RRAGD: variants seen among roughly 807,000 people sequenced by gnomAD.
RRAGD encodes ras-related GTP-binding protein D.
Under a neutral mutation model 35.5 loss-of-function variants are expected in RRAGD, and 12 were observed. The ratio of observed to expected loss-of-function variants is 0.34; its 90% confidence interval spans 0.22 to 0.55. RRAGD has a LOEUF of 0.55. Ranked by LOEUF, RRAGD falls within the 20% of genes least tolerant of loss-of-function variation. RRAGD has a pLI of 0.91. For synonymous variants in RRAGD, 155 were observed against 178.9 expected, an observed-to-expected ratio of 0.87 and a Z score of 1.07; for missense variants, 324 against 490.1, an observed-to-expected ratio of 0.66 and a Z score of 3.20.
At chr6:89,402,293 G>A (rs1769486756) in intron 1 of RRAGD, among the ~76,000 whole-genome samples, 1 of 151,984 alleles carries the variant, frequency 6.6e-6, no homozygotes, top group African/African-American at 2.4e-5. Flanking sequence ...TGATCCGCCA[G>A]CCTCGGCCTC....
At position 89,373,022 on chromosome 6, in the gene RRAGD, A is replaced by ATCCAGTAT. The variant is rs1314622545; in HGVS notation, c.903-438_903-437insATACTGGA. On this transcript the variant is annotated intron_variant, in intron 5 of 6. Coordinates refer to ENST00000369415, the MANE Select transcript of RRAGD (RefSeq NM_021244.5). The stretch of plus-strand genomic sequence containing the variant: ...GTGCTAGACTGGATCCTGAATTGGG[A>ATCCAGTAT]AAAACTGCTATAAAAGATAGAATTG... Among the ~76,000 whole-genome samples the ATCCAGTAT allele has an allele frequency of 1.5e-4, 23 of 152,378 alleles. No homozygotes were observed. In the East Asian group the frequency reaches 3.9e-3, roughly 26 times the overall value.
At chr6:89,380,448 T>C (rs910174068) in intron 2 of RRAGD, 81 bp from the exon 3 acceptor site, 3 of 1,227,042 alleles carry the variant, frequency 2.4e-6, no homozygotes, top group East Asian at 5.0e-5. Context: ...CTGGAAACCA[T>C]GTGGCTGCAA....
intron 2 of RRAGD, among the ~76,000 whole-genome samples, chr6:89,386,996 T>C (rs187308366): frequency 1.3e-5 from 2 of 152,340 alleles, no homozygotes; most frequent in East Asian, 1.9e-4. Flanking sequence ...TGATCTTTTG[T>C]AGATGTTGAC....
chr6:89,402,037 G>GCTTTT (rs1194197994), intron 1 of RRAGD, among the ~76,000 whole-genome samples: 1 of 52,314 alleles, frequency 1.9e-5, no homozygotes, highest in African/African-American at 1.5e-4. Context: ...AAATCCTAAG[G>GCTTTT]ATTTTTTTTT....
intron 5 of RRAGD, among the ~76,000 whole-genome samples, chr6:89,374,122 A>G (rs1004089507): frequency 1.3e-5 from 2 of 152,232 alleles, no homozygotes; most frequent in Non-Finnish European, 2.9e-5. Context: ...ATTAAAGCTT[A>G]CTATGTGATA....
chr6:89,371,294 G>T (rs142407931), intron 6 of RRAGD, among the ~76,000 whole-genome samples: 1 of 151,884 alleles, frequency 6.6e-6, no homozygotes, highest in Non-Finnish European at 1.5e-5. Context: ...TTTGAGACCA[G>T]CCTAGGAAAC....
chr6:89,396,868 A>G (rs932003753), intron 1 of RRAGD, among the ~76,000 whole-genome samples: 1 of 147,518 alleles, frequency 6.8e-6, no homozygotes, highest in African/African-American at 2.5e-5. Flanking sequence ...CAGCCTCCTG[A>G]GTGGATGGGA....
chr6:89,371,112 A>G (rs1164193311), intron 6 of RRAGD, among the ~76,000 whole-genome samples: 2 of 151,948 alleles, frequency 1.3e-5, no homozygotes, highest in African/African-American at 4.8e-5. Flanking sequence ...TATATTAGAC[A>G]ATATGGCCCC....
chr6:89,385,624 A>G (rs1769125832), intron 2 of RRAGD, among the ~76,000 whole-genome samples: 1 of 152,238 alleles, frequency 6.6e-6, no homozygotes, highest in Non-Finnish European at 1.5e-5. Context: ...AGCTGCTGAC[A>G]GCAGGCCCTG....
In RRAGD at chr6:89,407,591, G is replaced by A. The variant is rs149992989; in HGVS notation, c.148+4255C>T. On this transcript the variant is annotated intron_variant, in intron 1 of 6. Coordinates refer to ENST00000369415, the MANE Select transcript of RRAGD (RefSeq NM_021244.5). ...CAGAAGGTGGAGGTTGCAGTGAGCC[G>A]AGATCATGCCACTGCACTCCAGCCT... Among the ~76,000 whole-genome samples the A allele has an allele frequency of 5.6e-3, 853 of 152,248 alleles. 8 individuals are homozygous for A. The highest frequency in any genetic ancestry group is 0.019 in the African/African-American group (803 of 41,538).
chr6:89,412,243 T>G lies in RRAGD; in HGVS notation c.-250A>C. The G allele has an allele frequency of 8.0e-6, 2 of 249,092 alleles. No individual in the cohort carries two copies. The highest frequency in any genetic ancestry group is 1.4e-5 in the Non-Finnish European group (2 of 138,704). 15.4% of individuals were successfully genotyped at this position (249,092 alleles called of 1,614,324 possible). On this transcript the variant is annotated 5_prime_UTR_variant, in exon 1 of 7. Coordinates refer to ENST00000369415, the MANE Select transcript of RRAGD (RefSeq NM_021244.5). The surrounding 1 kb of genome is among the most constrained non-coding windows in gnomAD (Gnocchi z 4.2). ...GAGGAGTCAGCCGGAGCGCGGCAGTTCCTCCCGGAGGAGGGAGAGAGAGAG... is the reference window on the plus strand; with the variant it reads ...GAGGAGTCAGCCGGAGCGCGGCAGTGCCTCCCGGAGGAGGGAGAGAGAGAG...
At chr6:89,392,487 A>AG in intron 1 of RRAGD, among the ~76,000 whole-genome samples, 1 of 151,582 alleles carries the variant, frequency 6.6e-6, no homozygotes, top group Non-Finnish European at 1.5e-5. Context: ...CTCGAAAAAA[A>AG]AAAAAAAGAA....
chr6:89,400,948 T>C (rs1260358499), intron 1 of RRAGD, among the ~76,000 whole-genome samples: 1 of 152,118 alleles, frequency 6.6e-6, no homozygotes, highest in African/African-American at 2.4e-5. Context: ...TCAGGAAGGT[T>C]CCCTGAACAC....
chr6:89,384,688 G>A (rs572259242), intron 2 of RRAGD, among the ~76,000 whole-genome samples: 7 of 151,930 alleles, frequency 4.6e-5, no homozygotes, highest in Non-Finnish European at 7.4e-5. Flanking sequence ...GGTGGCGGGC[G>A]CCTGCAGTCC....
At chr6:89,390,819 A>G (rs1300310213) in intron 1 of RRAGD, among the ~76,000 whole-genome samples, 2 of 151,952 alleles carry the variant, frequency 1.3e-5, no homozygotes, top group East Asian at 3.9e-4. Flanking sequence ...AATCACTTGA[A>G]CCTGGGAGGC....
intron 1 of RRAGD, among the ~76,000 whole-genome samples, chr6:89,407,781 C>T (rs957578473): frequency 1.9e-4 from 29 of 152,096 alleles, no homozygotes; most frequent in African/African-American, 7.0e-4. Context: ...ACTCAGTTAT[C>T]TTTGAAAGAC....
At chr6:89,403,878 G>C (rs1195360555) in intron 1 of RRAGD, among the ~76,000 whole-genome samples, 3 of 152,008 alleles carry the variant, frequency 2.0e-5, no homozygotes, top group Non-Finnish European at 4.4e-5. Context: ...GGCTGGTCTT[G>C]AACACCTGGG....
Position 89,377,198 on chromosome 6 carries a change from T to C in RRAGD, c.902+473A>G, listed in dbSNP as rs1010774641. ...TCCAGTCAACAGTAGACTATTAGTA[T>C]TAATAGTTAAGTTTGTCAGGGGGGA... On this transcript the variant is annotated intron_variant, in intron 5 of 6. Transcript: ENST00000369415. Among the ~76,000 whole-genome samples the C allele has an allele frequency of 6.6e-5, 10 of 152,232 alleles. No individual in the cohort carries two copies. The South Asian group carries it at 2.1e-3, about 32-fold the overall frequency.
chr6:89,403,656 G>GTTTTTTTTTT, intron 1 of RRAGD, among the ~76,000 whole-genome samples: 1 of 143,326 alleles, frequency 7.0e-6, no homozygotes. Flanking sequence ...TGAGAGAGAG[G>GTTTTTTTTTT]GTCTCACTCT....
Sources: gnomAD v4.1 joint callset for allele counts (sites outside exome capture counted in the v4.1 genomes callset) on GRCh38, gnomAD v4.1.1 for gene constraint, Gnocchi (gnomAD v3.1) non-coding constraint, MANE v1.5 for transcripts, NCBI Gene and HGNC (gene_info 2026-07-23, HGNC 2026-07-21) for gene names.